Variants in RFX7 observed in about 807,000 individuals in gnomAD.
The protein encoded by RFX7 is DNA-binding protein RFX7.
RFX7 carries 26 observed loss-of-function variants against 111.8 expected under a neutral mutation model. That is an observed-to-expected ratio of 0.23 (90% CI 0.17 to 0.32). The LOEUF is 0.32. RFX7 is among the 10% of genes least tolerant of loss of function. The pLI, the probability that RFX7 is intolerant of heterozygous loss-of-function variation, is 1.00. For synonymous variants in RFX7, 624 were observed against 624.4 expected, an observed-to-expected ratio of 1.00 and a Z score of 0.01; for missense variants, 1,573 against 1,772.9, an observed-to-expected ratio of 0.89 and a Z score of 2.02.
At chr15:56,141,465 A>C (rs1595960091) in intron 5 of RFX7, among the ~76,000 whole-genome samples, 1 of 151,828 alleles carries the variant, frequency 6.6e-6, no homozygotes, top group East Asian at 1.9e-4. Flanking sequence ...GACTGGTTAA[A>C]ATGCTTGCCT....
chr15:56,149,711 A>T (rs1274025242), intron 3 of RFX7, among the ~76,000 whole-genome samples: 2 of 151,910 alleles, frequency 1.3e-5, no homozygotes, highest in Admixed American at 1.3e-4. Context: ...AAACCAGGAG[A>T]TTCCCTCTGG....
chr15:56,095,563 A>T lies in RFX7; in HGVS notation c.2165T>A (p.Val722Asp). The T allele has an allele frequency of 6.2e-7, 1 of 1,613,980 alleles. No homozygotes were observed. The highest frequency in any genetic ancestry group is 8.5e-7 in the Non-Finnish European group (1 of 1,179,864). ...AQIPSKVSVN[V>D]SSHIGANQPL... ...TTGATTTGCTCCTATGTGTGAACTG[A>T]CATTTACTGATACCTTGCTAGGAAT... The change falls in exon 10 of 10, where the codon GTC becomes GAC. Residue 722 changes from valine (V) to aspartate (D), a missense_variant. Coordinates refer to ENST00000559447, the MANE Select transcript of RFX7 (RefSeq NM_022841.7).
At chr15:56,118,265 G>A (rs1471056810) in intron 5 of RFX7, among the ~76,000 whole-genome samples, 2 of 151,878 alleles carry the variant, frequency 1.3e-5, no homozygotes, top group African/African-American at 2.4e-5. Flanking sequence ...CTGTTGTGCT[G>A]TCAAATACTA....
chr15:56,097,660 T>G (rs937600248), intron 9 of RFX7, among the ~76,000 whole-genome samples: 15 of 144,250 alleles, frequency 1.0e-4, no homozygotes, highest in African/African-American at 3.4e-4. Context: ...GGCAGAATAA[T>G]TGCTTGAACT....
intron 3 of RFX7, among the ~76,000 whole-genome samples, chr15:56,172,739 T>C (rs1356918886): frequency 1.3e-5 from 2 of 152,182 alleles, no homozygotes; most frequent in African/African-American, 4.8e-5. Flanking sequence ...GTTTAGTAGC[T>C]TGAGCTAAAG....
In RFX7 at chr15:56,090,866, T is replaced by G. The variant is rs1199236880; in HGVS notation, c.*2479A>C. On this transcript the variant is annotated 3_prime_UTR_variant, in exon 10 of 10. Coordinates refer to ENST00000559447, the MANE Select transcript of RFX7 (RefSeq NM_022841.7). ...TGCAATTATATGCAAAATTATTTACTTCATGAAGTTTTATGATAAACAGTA... is the reference window on the plus strand; with the variant it reads ...TGCAATTATATGCAAAATTATTTACGTCATGAAGTTTTATGATAAACAGTA... 1 of 152,610 alleles carries G rather than the reference T, an allele frequency of 6.6e-6. No individual in the cohort carries two copies. The highest frequency in any genetic ancestry group is 2.4e-5 in the African/African-American group (1 of 41,452). 9.5% of individuals were successfully genotyped at this position (152,610 alleles called of 1,614,324 possible).
chr15:56,152,213 T>C (rs1475544457), intron 3 of RFX7, among the ~76,000 whole-genome samples: 5 of 152,216 alleles, frequency 3.3e-5, no homozygotes, highest in African/African-American at 1.2e-4. Flanking sequence ...CTAATAGACA[T>C]CTACAGAACT....
intron 2 of RFX7, among the ~76,000 whole-genome samples, chr15:56,207,283 TG>T (rs879529193): frequency 6.6e-6 from 1 of 151,416 alleles, no homozygotes; most frequent in African/African-American, 2.4e-5. Flanking sequence ...GAGGAGGAAA[TG>T]GGGGGGTATT....
intron 2 of RFX7, among the ~76,000 whole-genome samples, chr15:56,229,266 T>C (rs2043521164): frequency 3.9e-5 from 6 of 152,126 alleles, no homozygotes; most frequent in Admixed American, 3.3e-4. Flanking sequence ...GTTGTTGTTG[T>C]TGTTGTTTTG....
At chr15:56,160,452 C>G (rs1400685270) in intron 3 of RFX7, among the ~76,000 whole-genome samples, 2 of 151,466 alleles carry the variant, frequency 1.3e-5, no homozygotes, top group Non-Finnish European at 2.9e-5. Context: ...GTTGAGTTAC[C>G]ATATATGGAG....
chr15:56,228,836 CTA>C (rs757375247), intron 2 of RFX7, among the ~76,000 whole-genome samples: 1 of 152,008 alleles, frequency 6.6e-6, no homozygotes, highest in Non-Finnish European at 1.5e-5. Flanking sequence ...GTACAGAACC[CTA>C]TATATACTAT....
In RFX7 at chr15:56,095,018, G is replaced by A. The variant is rs1426501023; in HGVS notation, c.2710C>T (p.His904Tyr). Residue 904 changes from histidine (H) to tyrosine (Y), a missense_variant, in exon 10 of 10, where the codon CAT becomes TAT. By Grantham distance (83) the His-to-Tyr change is moderately conservative. Coordinates refer to ENST00000559447, the MANE Select transcript of RFX7 (RefSeq NM_022841.7). ...MEQQMSMNNSHSYGNCLGMTL... is the reference protein window; with the variant it reads ...MEQQMSMNNSYSYGNCLGMTL... ...ATTCCCAAACAGTTGCCGTAAGAAT[G>A]AGAATTGTTCATTGACATTTGCTGC... is the stretch of plus-strand genomic sequence containing the variant. 1.2e-6 allele frequency: 2 copies of A among 1,613,856 alleles called. No homozygotes were observed. The highest frequency in any genetic ancestry group is 1.3e-5 in the African/African-American group (1 of 75,028).
intron 5 of RFX7, among the ~76,000 whole-genome samples, chr15:56,106,204 A>C (rs1461553174): frequency 6.6e-6 from 1 of 152,220 alleles, no homozygotes; most frequent in African/African-American, 2.4e-5. Context: ...TTTGTTTTTC[A>C]ATACAATTTA....
intron 5 of RFX7, among the ~76,000 whole-genome samples, chr15:56,117,899 G>C (rs1463841453): frequency 6.6e-6 from 1 of 151,810 alleles, no homozygotes; most frequent in Non-Finnish European, 1.5e-5. Context: ...CTTTATCTTG[G>C]GTATAATGAA....
chr15:56,114,667 G>T (rs1034887314), intron 5 of RFX7, among the ~76,000 whole-genome samples: 2 of 151,632 alleles, frequency 1.3e-5, no homozygotes, highest in African/African-American at 4.8e-5. Flanking sequence ...AGATTACTTT[G>T]CTTGAAGTCA....
At chr15:56,113,606 T>C (rs2041967715) in intron 5 of RFX7, among the ~76,000 whole-genome samples, 1 of 151,940 alleles carries the variant, frequency 6.6e-6, no homozygotes, top group Non-Finnish European at 1.5e-5. Flanking sequence ...ATGGCACATG[T>C]TTACCTATGT....
rs1236753082 is a variant in RFX7, at chr15:56,142,790, T to C, written c.389A>G (p.Tyr130Cys). The change falls in exon 5 of 10, where the codon TAT becomes TGT. Residue 130 changes from tyrosine to cysteine, a missense_variant. Tyr to Cys is a radical substitution (Grantham distance 194). This residue lies in a region of RFX7 where 191 missense variants were observed against 194.2 expected (regional missense o/e 0.98). Coordinates refer to ENST00000559447, the MANE Select transcript of RFX7 (RefSeq NM_022841.7). Reference sequence around the variant, plus strand: ...ACATACTACTTACTTGTACTCATCATAGACTTCCTGTTTGGGCAGTGAAGT... The same window carrying C: ...ACATACTACTTACTTGTACTCATCACAGACTTCCTGTTTGGGCAGTGAAGT... The part of the protein sequence containing the change: ...PETSLPKQEV[Y>C]DEYKSYCDNL... 3.7e-6 allele frequency: 6 copies of C among 1,613,256 alleles called. No homozygotes were observed. Among genetic ancestry groups the C allele is most frequent in the African/African-American group, 1.3e-5 (1 of 75,050 alleles).
At chr15:56,171,417 G>A (rs1326893068) in intron 3 of RFX7, among the ~76,000 whole-genome samples, 3 of 152,074 alleles carry the variant, frequency 2.0e-5, no homozygotes, top group Admixed American at 6.6e-5. Context: ...TGATAAAAGC[G>A]AGGCTGAAAG....
intron 5 of RFX7, among the ~76,000 whole-genome samples, chr15:56,122,374 A>G (rs2140969643): frequency 6.6e-6 from 1 of 152,322 alleles, no homozygotes; most frequent in Non-Finnish European, 1.5e-5. Context: ...TTTCTCCCAA[A>G]CAAATGGAGT....
Sources: allele counts gnomAD v4.1 joint callset (sites outside exome capture counted in the v4.1 genomes callset), GRCh38; gene constraint gnomAD v4.1.1; regional missense constraint gnomAD v4.1.1; transcripts MANE v1.5; gene names NCBI Gene and HGNC (gene_info 2026-07-23, HGNC 2026-07-21).